NSDHL: variants seen among roughly 807,000 people sequenced by gnomAD.
NSDHL encodes sterol-4-alpha-carboxylate 3-dehydrogenase, decarboxylating.
In NSDHL, 1 loss-of-function variant was observed where a neutral mutation model predicts 23.0. The ratio of observed to expected loss-of-function variants is 0.04; its 90% CI spans 0.02 to 0.21. NSDHL has a LOEUF of 0.21. Among genes scored for constraint, NSDHL ranks in the 10% least tolerant of loss-of-function variants. The pLI is 1.00. For synonymous variants in NSDHL, 128 were observed against 121.1 expected (o/e 1.06, Z -0.37); for missense variants, 237 against 300.9 (o/e 0.79, Z 1.57).
At chrX:152,856,606 A>C (rs4376639) in intron 3 of NSDHL, among the ~76,000 whole-genome samples, 23,242 of 111,241 alleles carry the variant, frequency 0.21, 1,994 homozygotes, top group East Asian at 0.54. Context: ...GTACAAAATG[A>C]GTCTGGGACA....
intron 3 of NSDHL, among the ~76,000 whole-genome samples, chrX:152,853,957 G>A (rs1263232741): frequency 2.7e-5 from 3 of 112,243 alleles, no homozygotes; most frequent in Non-Finnish European, 5.6e-5. Flanking sequence ...GACCATGAGC[G>A]GATACAGAGC....
chrX:152,836,615 A>G (rs1440379160), intron 1 of NSDHL, among the ~76,000 whole-genome samples: 3 of 111,516 alleles, frequency 2.7e-5, no homozygotes, highest in Non-Finnish European at 3.8e-5. Flanking sequence ...ATGGTTGTAG[A>G]TGTGTGGTGT....
At chrX:152,838,640 T>C (rs2125003090) in intron 1 of NSDHL, among the ~76,000 whole-genome samples, 1 of 112,438 alleles carries the variant, frequency 8.9e-6, no homozygotes, top group Non-Finnish European at 1.9e-5. Context: ...GAGTTCTAAT[T>C]TGATTGCCCT....
In NSDHL at chrX:152,858,957, A is replaced by C. The variant is rs377431575; in HGVS notation, c.414+41A>C. 7.0e-6 allele frequency: 8 copies of C among 1,137,368 alleles called. No homozygotes were observed. The African/African-American group carries it at 1.4e-4, about 20-fold the overall frequency. The allele number at this position is 1,137,368 out of a possible 1,213,427, so 93.7% of individuals were successfully genotyped here. On this transcript the variant is annotated intron_variant, in intron 4 of 7. Coordinates refer to ENST00000370274, the MANE Select transcript of NSDHL (RefSeq NM_015922.3). ...GAGTGAGTGCTGTCAGGAGCACGTG[A>C]TGGCCCTTTCTAAGGGTGCAAGGCC...
chrX:152,867,650 C>A lies in NSDHL; in HGVS notation c.766C>A (p.Arg256=), dbSNP rs150512355. The A allele has an allele frequency of 5.8e-6, 7 of 1,201,887 alleles. No homozygotes were observed. Among genetic ancestry groups the A allele is most frequent in the Non-Finnish European group, 7.9e-6 (7 of 887,644 alleles). The change falls in exon 7 of 8, where the codon CGA becomes AGA. Residue 256 remains arginine (R), a synonymous_variant. Transcript: ENST00000370274. ...CATCCTGGCGGCAGAGCAGCTCTCC[C>A]GAGACTCGACACTGGGTGGGAAGGT... The part of the protein sequence containing the change: ...GHILAAEQLS[R]DSTLGGKAFH...
At chrX:152,867,707 C>T (rs1556848264) in intron 7 of NSDHL, 34 bp downstream of exon 7, 2 of 1,016,935 alleles carry the variant, frequency 2.0e-6, no homozygotes, top group Admixed American at 2.2e-5. Flanking sequence ...TGCACAGGTG[C>T]CTTTCTGCGG....
In NSDHL at chrX:152,858,906, C is replaced by T; in HGVS notation, c.404C>T (p.Ala135Val). ...AATGTCATTGAAACTTGCAAAGAGGCTGGGGTTCAGGTAAGGGGAAGGCTG... is the reference window on the plus strand; with the variant it reads ...AATGTCATTGAAACTTGCAAAGAGGTTGGGGTTCAGGTAAGGGGAAGGCTG... ...TKNVIETCKE[A>V]GVQKLILTSS... Residue 135 changes from alanine to valine, a missense_variant, in exon 4 of 8, where the codon GCT (alanine) becomes GTT (valine). Transcript: ENST00000370274. 1 of 1,207,999 alleles carries T rather than the reference C, an allele frequency of 8.3e-7. No homozygotes were observed. The highest frequency in any genetic ancestry group is 1.1e-6 in the Non-Finnish European group (1 of 892,211).
chrX:152,842,477 C>T (rs1175059627), intron 1 of NSDHL, among the ~76,000 whole-genome samples: 2 of 111,428 alleles, frequency 1.8e-5, no homozygotes, highest in Non-Finnish European at 3.8e-5. Context: ...TGATTAGTGA[C>T]GTTGAGCATC....
intron 2 of NSDHL, among the ~76,000 whole-genome samples, chrX:152,846,650 C>T (rs782529702): frequency 1.8e-5 from 2 of 112,526 alleles, no homozygotes; most frequent in Non-Finnish European, 3.8e-5. Flanking sequence ...GTGGTTTCGG[C>T]TGAGCCCAGC....
At chrX:152,837,880 C>T (rs1281195914) in intron 1 of NSDHL, among the ~76,000 whole-genome samples, 1 of 111,716 alleles carries the variant, frequency 9.0e-6, no homozygotes, top group Non-Finnish European at 1.9e-5. Flanking sequence ...AGTACCAGCT[C>T]CTCTTTGTAC....
intron 1 of NSDHL, among the ~76,000 whole-genome samples, chrX:152,841,014 C>T (rs907279494): frequency 8.9e-6 from 1 of 112,815 alleles, no homozygotes; most frequent in Non-Finnish European, 1.9e-5. Context: ...TCAGCAATGG[C>T]GGACGCCCCT....
chrX:152,836,976 C>T (rs782143683), intron 1 of NSDHL, among the ~76,000 whole-genome samples: 2 of 111,896 alleles, frequency 1.8e-5, no homozygotes, highest in East Asian at 2.8e-4. Context: ...TCTTTTATTT[C>T]GTTGAGCAAT....
rs782638355 is a variant in NSDHL, at chrX:152,836,464, T to G, written c.-44+5347T>G. Among the ~76,000 whole-genome samples, 390 of 112,021 alleles carry G rather than the reference T, an allele frequency of 3.5e-3. 1 individual carries two copies. The highest frequency in any genetic ancestry group is 0.012 in the African/African-American group (373 of 30,785). ...TAACATTTAAGTCTTTAATCCATCT[T>G]GAATTAATTTTTGTATAAGGTGTAA... On this transcript the variant is annotated intron_variant, in intron 1 of 7. Transcript: ENST00000370274.
At chrX:152,838,704 T>A (rs978780619) in intron 1 of NSDHL, among the ~76,000 whole-genome samples, 1 of 111,717 alleles carries the variant, frequency 9.0e-6, no homozygotes, top group Non-Finnish European at 1.9e-5. Flanking sequence ...TGCTGAGGAG[T>A]GCTTTACTTC....
chrX:152,861,523 G>T (rs966340794), intron 4 of NSDHL, among the ~76,000 whole-genome samples: 15 of 112,778 alleles, frequency 1.3e-4, no homozygotes, highest in African/African-American at 4.8e-4. Flanking sequence ...ACATATGTTT[G>T]GCTTAACCAG....
chrX:152,838,544 A>G (rs1556844452), intron 1 of NSDHL, among the ~76,000 whole-genome samples: 1 of 111,763 alleles, frequency 8.9e-6, no homozygotes, highest in African/African-American at 3.3e-5. Flanking sequence ...TTCTGCCTTC[A>G]TTTCGATATT....
chrX:152,865,108 A>G (rs1933585875), intron 5 of NSDHL, among the ~76,000 whole-genome samples: 1 of 112,619 alleles, frequency 8.9e-6, no homozygotes, highest in Admixed American at 9.4e-5. Flanking sequence ...GGCGAAACCC[A>G]TTTCACTGTG....
chrX:152,834,370 C>A lies in NSDHL; in HGVS notation c.-44+3253C>A. Reference sequence around the variant, plus strand: ...ATAAAAGCTGGCGACTTTTTTTGTCCTAAAAGTAAATAGAGAAACAAACAA... The same window carrying A: ...ATAAAAGCTGGCGACTTTTTTTGTCATAAAAGTAAATAGAGAAACAAACAA... On this transcript the variant is annotated intron_variant, in intron 1 of 7. Transcript: ENST00000370274. 1.8e-5 allele frequency among the ~76,000 whole-genome samples: 2 copies of A among 112,620 alleles called. 1 individual carries two copies. Among genetic ancestry groups the A allele is most frequent in the Middle Eastern group, 9.2e-3 (2 of 217 alleles).
intron 1 of NSDHL, among the ~76,000 whole-genome samples, chrX:152,842,577 C>T (rs1185171565): frequency 8.9e-6 from 1 of 111,975 alleles, no homozygotes; most frequent in Non-Finnish European, 1.9e-5. Flanking sequence ...TCTTGGCTCA[C>T]TGCAACCTCT....
Sources: allele counts gnomAD v4.1 joint callset (sites outside exome capture counted in the v4.1 genomes callset), GRCh38; gene constraint gnomAD v4.1.1; transcripts MANE v1.5; gene names NCBI Gene and HGNC (gene_info 2026-07-23, HGNC 2026-07-21).